The following PCDHGA4 variants were observed in gnomAD, a reference collection of about 807,000 sequenced individuals.
PCDHGA4 encodes the protein protocadherin gamma-A4.
In PCDHGA4, 38 loss-of-function variants were observed where a neutral mutation model predicts 54.6. The ratio of observed to expected loss-of-function variants is 0.70; its 90% CI spans 0.54 to 0.91. The LOEUF (loss-of-function observed/expected upper bound fraction) is 0.91. Among genes scored for constraint, PCDHGA4 ranks in the 40% least tolerant of loss-of-function variants. The pLI is 0.00. For synonymous variants in PCDHGA4, 511 were observed against 512.9 expected (o/e 1.00, Z 0.05); for missense variants, 1,298 against 1,220.9 (o/e 1.06, Z -0.94).
rs558609501 is a variant in PCDHGA4, at chr5:141,487,648, G to C, written c.2515-7159G>C. On this transcript the variant is annotated intron_variant, in intron 1 of 3. Coordinates refer to ENST00000571252, the MANE Select transcript of PCDHGA4 (RefSeq NM_018917.4). This position sits in a 1 kb window ranked among gnomAD's most constrained non-coding sequence, Gnocchi z 5.0. ...CTTTGCAGGCTCAACAAATGCTTGA[G>C]GGTTATTCTGATCCAGGCATATGGC... is the stretch of plus-strand genomic sequence containing the variant. 34 of 1,613,904 alleles carry C rather than the reference G, an allele frequency of 2.1e-5. 1 individual carries two copies. The South Asian group carries it at 3.6e-4, about 17-fold the overall frequency.
At chr5:141,384,202 GA>G (rs1561601011) in intron 1 of PCDHGA4, 1 of 1,613,852 alleles carries the variant, frequency 6.2e-7, no homozygotes, top group Non-Finnish European at 8.5e-7. Flanking sequence ...CTTGTCCAGG[GA>G]AACTCACATA....
intron 1 of PCDHGA4, chr5:141,374,501 G>T (rs746410507): frequency 8.1e-6 from 13 of 1,611,510 alleles, no homozygotes; most frequent in Non-Finnish European, 1.0e-5. Context: ...AGAATTGGAA[G>T]TGAAAATTCT....
intron 1 of PCDHGA4, among the ~76,000 whole-genome samples, chr5:141,484,752 A>G (rs181317421): frequency 6.6e-5 from 10 of 151,098 alleles, no homozygotes; most frequent in Admixed American, 3.3e-4. Context: ...AAAAAAATGT[A>G]TATATATATA....
rs766083208 is a variant in PCDHGA4, at chr5:141,477,506, G to A, written c.2515-17301G>A. 1.9e-6 allele frequency: 3 copies of A among 1,614,028 alleles called. No homozygotes were observed. Among genetic ancestry groups the A allele is most frequent in the South Asian group, 2.2e-5 (2 of 91,076 alleles). ...ACAATCTTCTCAATCTTCCTACGAC[G>A]TTTACATTGAAGAAAACAACCTCCC... On this transcript the variant is annotated intron_variant, in intron 1 of 3. Transcript: ENST00000571252. This position sits in a 1 kb window ranked among gnomAD's most constrained non-coding sequence, Gnocchi z 4.9.
intron 1 of PCDHGA4, among the ~76,000 whole-genome samples, chr5:141,381,932 C>A (rs1205042648): frequency 2.1e-5 from 3 of 144,772 alleles, no homozygotes; most frequent in Non-Finnish European, 4.5e-5. Flanking sequence ...CGGGTTCAAG[C>A]GATTTTCCTG....
intron 1 of PCDHGA4, chr5:141,361,354 G>A (rs778953840): frequency 6.8e-6 from 11 of 1,613,990 alleles, no homozygotes; most frequent in African/African-American, 2.7e-5. Flanking sequence ...ACTAGTGACA[G>A]ACGGCGCTCT....
chr5:141,490,402 G>A lies in PCDHGA4; in HGVS notation c.2515-4405G>A. On this transcript the variant is annotated intron_variant, in intron 1 of 3. Coordinates refer to ENST00000571252, the MANE Select transcript of PCDHGA4 (RefSeq NM_018917.4). This position sits in a 1 kb window ranked among gnomAD's most constrained non-coding sequence, Gnocchi z 5.4. The stretch of plus-strand genomic sequence containing the variant: ...AGGTAGAAATGGTGAAGTGAGCCTT[G>A]ATATCTCTCCGGACCTGCCATTTCA... 6.2e-7 allele frequency: 1 copy of A among 1,614,182 alleles called. No homozygotes were observed. The highest frequency in any genetic ancestry group is 8.5e-7 in the Non-Finnish European group (1 of 1,180,024).
chr5:141,454,892 C>T (rs1389056318), intron 1 of PCDHGA4, among the ~76,000 whole-genome samples: 4 of 146,994 alleles, frequency 2.7e-5, no homozygotes, highest in Non-Finnish European at 5.9e-5. Context: ...ACTGCTAGCA[C>T]CGCCTCCCGG....
At position 141,393,679 on chromosome 5, in the gene PCDHGA4, C is replaced by T. The variant is rs1188443485; in HGVS notation, c.2514+36058C>T. 4.3e-6 allele frequency: 7 copies of T among 1,613,894 alleles called. No individual in the cohort carries two copies. Among genetic ancestry groups the T allele is most frequent in the Non-Finnish European group, 5.9e-6 (7 of 1,179,900 alleles). ...TTCCGGAAAATTAATGAAAAACAAA[C>T]TCCGTTATTCCAGCTTAATGAAAAT... On this transcript the variant is annotated intron_variant, in intron 1 of 3. Transcript: ENST00000571252.
intron 1 of PCDHGA4, chr5:141,371,237 C>A (rs957754662): frequency 5.0e-6 from 8 of 1,614,002 alleles, no homozygotes; most frequent in Non-Finnish European, 5.1e-6. Context: ...TCTATGCCTT[C>A]ATCAATATTG....
At chr5:141,496,759 C>T (rs1287940646) in intron 2 of PCDHGA4, among the ~76,000 whole-genome samples, 2 of 152,038 alleles carry the variant, frequency 1.3e-5, no homozygotes, top group South Asian at 4.2e-4. Context: ...AAATATTTAT[C>T]GAGCATCTAC....
At position 141,493,202 on chromosome 5, in the gene PCDHGA4, A is replaced by G. The variant is rs1246390819; in HGVS notation, c.2515-1605A>G. Among the ~76,000 whole-genome samples, 1 of 152,196 alleles carries G rather than the reference A, an allele frequency of 6.6e-6. No individual in the cohort carries two copies. ...ACTATATAACTCCTTTGAGAACCTC[A>G]TCTCATTTGCTCTTCCCACCATTGC... On this transcript the variant is annotated intron_variant, in intron 1 of 3. Transcript: ENST00000571252. The surrounding 1 kb of genome is among the most constrained non-coding windows in gnomAD (Gnocchi z 4.3).
At chr5:141,389,463 GA>G in intron 1 of PCDHGA4, 1 of 1,613,310 alleles carries the variant, frequency 6.2e-7, no homozygotes, top group Non-Finnish European at 8.5e-7. Context: ...GCGCGCCTTC[GA>G]ACTCACACTG....
intron 1 of PCDHGA4, chr5:141,366,845 A>G: frequency 6.8e-7 from 1 of 1,477,098 alleles, no homozygotes; most frequent in Non-Finnish European, 9.1e-7. Flanking sequence ...AGTTATGTAA[A>G]TAGTGGAACA....
intron 1 of PCDHGA4, chr5:141,415,028 C>T (rs756347396): frequency 3.1e-6 from 5 of 1,613,524 alleles, no homozygotes; most frequent in Middle Eastern, 1.7e-4. Context: ...GCCAGCGAGC[C>T]GGGACTCTTC....
intron 1 of PCDHGA4, chr5:141,361,181 T>C: frequency 6.2e-7 from 1 of 1,613,970 alleles, no homozygotes. Flanking sequence ...GAAGTTATTG[T>C]GACTTCAGTA....
rs1456451105 is a variant in PCDHGA4 at position 141,477,377 on chromosome 5, C to T, written c.2515-17430C>T. Reference sequence around the variant, plus strand: ...TGCAGACCTGGATCGGGAGACTGTGCCAGAATACAACCTCAGCATCACCGC... The same window carrying T: ...TGCAGACCTGGATCGGGAGACTGTGTCAGAATACAACCTCAGCATCACCGC... On this transcript the variant is annotated intron_variant, in intron 1 of 3. Coordinates refer to ENST00000571252, the MANE Select transcript of PCDHGA4 (RefSeq NM_018917.4). This position sits in a 1 kb window ranked among gnomAD's most constrained non-coding sequence, Gnocchi z 4.9. 1 of 1,614,144 alleles carries T rather than the reference C, an allele frequency of 6.2e-7. No homozygotes were observed. Among genetic ancestry groups the T allele is most frequent in the South Asian group, 1.1e-5 (1 of 91,080 alleles).
At chr5:141,380,907 C>T (rs1406481355) in intron 1 of PCDHGA4, among the ~76,000 whole-genome samples, 3 of 152,296 alleles carry the variant, frequency 2.0e-5, no homozygotes, top group Admixed American at 6.5e-5. Flanking sequence ...TCTACAAGTG[C>T]TTACATTGTT....
At chr5:141,436,611 C>T (rs893312137) in intron 1 of PCDHGA4, among the ~76,000 whole-genome samples, 1 of 152,126 alleles carries the variant, frequency 6.6e-6, no homozygotes, top group Non-Finnish European at 1.5e-5. Context: ...CTAGGGCTAA[C>T]AAAAATCTGA....
Sources: gnomAD v4.1 joint callset for allele counts (sites outside exome capture counted in the v4.1 genomes callset) on GRCh38, gnomAD v4.1.1 for gene constraint, Gnocchi (gnomAD v3.1) non-coding constraint, MANE v1.5 for transcripts, NCBI Gene and HGNC (gene_info 2026-07-23, HGNC 2026-07-21) for gene names.